The following GRIP1 variants were observed in gnomAD, a reference collection of about 807,000 sequenced individuals.
GRIP1 encodes glutamate receptor interacting protein 1.
In GRIP1, 45 loss-of-function variants were observed where a neutral mutation model predicts 129.9. The ratio of observed to expected loss-of-function variants is 0.35; its 90% CI spans 0.27 to 0.44. The LOEUF (loss-of-function observed/expected upper bound fraction) is 0.44. Ranked by LOEUF, GRIP1 falls within the 20% of genes least tolerant of loss-of-function variation. The pLI is 1.00. For synonymous variants in GRIP1, 530 were observed against 520.8 expected, an observed-to-expected ratio of 1.02 and a Z score of -0.24; for missense variants, 1,196 against 1,396.8, an observed-to-expected ratio of 0.86 and a Z score of 2.29.
intron 1 of GRIP1, among the ~76,000 whole-genome samples, chr12:66,630,495 T>A (rs1243110483): frequency 1.4e-5 from 2 of 147,570 alleles, no homozygotes; most frequent in Admixed American, 6.9e-5. Context: ...TGTATAAAAA[T>A]TTTTTTGAGT....
intron 7 of GRIP1, among the ~76,000 whole-genome samples, chr12:66,513,600 A>G (rs956073628): frequency 6.6e-6 from 1 of 152,138 alleles, no homozygotes; most frequent in Non-Finnish European, 1.5e-5. Context: ...ATTATAAAGG[A>G]TACCTTAAAA....
intron 1 of GRIP1, among the ~76,000 whole-genome samples, chr12:66,774,391 A>T (rs1481494472): frequency 2.0e-5 from 3 of 152,216 alleles, no homozygotes; most frequent in Non-Finnish European, 4.4e-5. Context: ...TCAACCCAAT[A>T]TGAATGTGAC....
intron 1 of GRIP1, among the ~76,000 whole-genome samples, chr12:66,603,617 T>C (rs576811722): frequency 1.3e-5 from 2 of 152,354 alleles, no homozygotes; most frequent in African/African-American, 4.8e-5. Flanking sequence ...CCTGTTCCAA[T>C]GTCTCACTTG....
At chr12:67,044,254 C>A (rs2043221205) in intron 1 of GRIP1, among the ~76,000 whole-genome samples, 1 of 152,174 alleles carries the variant, frequency 6.6e-6, no homozygotes, top group Non-Finnish European at 1.5e-5. Context: ...ATGTTACATT[C>A]ACCTAAGGGA....
chr12:66,934,803 G>A (rs1470940475), intron 1 of GRIP1, among the ~76,000 whole-genome samples: 1 of 152,224 alleles, frequency 6.6e-6, no homozygotes, highest in South Asian at 2.1e-4. Context: ...CGTGGACGAT[G>A]ATGGAGGAGA....
chr12:66,943,735 T>C (rs1196422718), intron 1 of GRIP1, among the ~76,000 whole-genome samples: 2 of 152,206 alleles, frequency 1.3e-5, no homozygotes, highest in African/African-American at 4.8e-5. Context: ...TTCAGGTGTG[T>C]TTGCTTTTTA....
exon 1 of GRIP1, chr12:67,069,070 T>A (rs1235552838): frequency 2.0e-6 from 2 of 980,892 alleles, no homozygotes; most frequent in African/African-American, 1.8e-5. Flanking sequence ...CTCCTCTGCC[T>A]GCAAGCAGAT....
chr12:66,633,124 C>T (rs2030986199), intron 1 of GRIP1, among the ~76,000 whole-genome samples: 1 of 151,568 alleles, frequency 6.6e-6, no homozygotes. Context: ...GTGATCCTCC[C>T]ACTTCAGCCT....
intron 1 of GRIP1, among the ~76,000 whole-genome samples, chr12:66,790,860 G>C (rs974244864): frequency 8.5e-5 from 13 of 152,052 alleles, no homozygotes; most frequent in Admixed American, 6.6e-5. Flanking sequence ...CAGAGAGTTA[G>C]AAGGGCCAGT....
upstream of GRIP1, among the ~76,000 whole-genome samples, chr12:66,684,080 T>C (rs886595102): frequency 1.3e-5 from 2 of 152,336 alleles, no homozygotes; most frequent in South Asian, 2.1e-4. Flanking sequence ...CTAGGCTTGT[T>C]TGAATGGTAA....
chr12:66,912,784 A>G (rs1037032690), intron 1 of GRIP1, among the ~76,000 whole-genome samples: 1 of 152,194 alleles, frequency 6.6e-6, no homozygotes, highest in Non-Finnish European at 1.5e-5. Flanking sequence ...GAAGAAGTCA[A>G]GGAATATCTC....
At chr12:66,905,245 G>C (rs1397207751) in intron 1 of GRIP1, among the ~76,000 whole-genome samples, 1 of 152,218 alleles carries the variant, frequency 6.6e-6, no homozygotes, top group East Asian at 1.9e-4. Context: ...GAACATGAAT[G>C]TGGCAAGTTG....
intron 1 of GRIP1, among the ~76,000 whole-genome samples, chr12:66,904,115 C>T (rs1031825287): frequency 1.3e-5 from 2 of 152,182 alleles, no homozygotes; most frequent in Non-Finnish European, 2.9e-5. Context: ...ATAGCAGGTT[C>T]ATACCCTTTA....
intron 1 of GRIP1, among the ~76,000 whole-genome samples, chr12:66,928,719 G>T (rs1332407972): frequency 6.6e-6 from 1 of 152,162 alleles, no homozygotes; most frequent in African/African-American, 2.4e-5. Context: ...CTTGTCAAAA[G>T]CATGAAATAT....
chr12:66,515,035 CTATAGG>C (rs1197956140), intron 7 of GRIP1, among the ~76,000 whole-genome samples: 1 of 152,000 alleles, frequency 6.6e-6, no homozygotes, highest in East Asian at 1.9e-4. Context: ...GTCGGTTTTA[CTATAGG>C]TATGAGTGTA....
chr12:67,040,276 C>T lies in GRIP1; in HGVS notation c.58+28774G>A, dbSNP rs116713552. 5.8e-3 allele frequency among the ~76,000 whole-genome samples: 875 copies of T among 151,982 alleles called. 12 individuals are homozygous for T. Among genetic ancestry groups the T allele is most frequent in the African/African-American group, 0.02 (832 of 41,494 alleles). ...GGCATCGTGTGGGCAGGTCCTACTC[C>T]AGCAAGTTTCTGAAGTAATCTTCCA... is the stretch of plus-strand genomic sequence containing the variant. On this transcript the variant is annotated intron_variant, in intron 1 of 1. Coordinates refer to the GRIP1 transcript ENST00000643019.
intron 1 of GRIP1, among the ~76,000 whole-genome samples, chr12:67,016,981 A>T (rs1230936195): frequency 6.6e-6 from 1 of 152,326 alleles, no homozygotes; most frequent in Admixed American, 6.5e-5. Context: ...TAACCTAAGA[A>T]CATCAGTGCT....
intron 1 of GRIP1, among the ~76,000 whole-genome samples, chr12:67,057,290 T>C (rs575122393): frequency 6.6e-6 from 1 of 152,128 alleles, no homozygotes; most frequent in Admixed American, 6.6e-5. Flanking sequence ...CAGAGAGCTT[T>C]CACTCCCCTC....
At chr12:66,865,779 A>C (rs1476296665) in intron 1 of GRIP1, among the ~76,000 whole-genome samples, 1 of 152,188 alleles carries the variant, frequency 6.6e-6, no homozygotes, top group African/African-American at 2.4e-5. Context: ...AAACATACAA[A>C]TGCAAATACA....
Sources: allele counts gnomAD v4.1 joint callset (sites outside exome capture counted in the v4.1 genomes callset), GRCh38; gene constraint gnomAD v4.1.1; transcripts MANE v1.5; gene names NCBI Gene and HGNC (gene_info 2026-07-23, HGNC 2026-07-21).